KCTD10: variants seen among roughly 807,000 people sequenced by gnomAD.
KCTD10 encodes BTB/POZ domain-containing adapter for CUL3-mediated RhoA degradation protein 3.
KCTD10 carries 13 observed loss-of-function variants against 34.6 expected under a neutral mutation model. The ratio of observed to expected loss-of-function variants is 0.38; its 90% confidence interval spans 0.24 to 0.60. KCTD10 has a LOEUF of 0.60. KCTD10 is among the 20% of genes least tolerant of loss of function. The pLI is 0.66. For missense variants in KCTD10, 256 were observed against 420.3 expected (o/e 0.61, Z 3.42); for synonymous variants, 156 against 168.8 (o/e 0.92, Z 0.59).
intron 2 of KCTD10, among the ~76,000 whole-genome samples, chr12:109,467,437 T>C (rs563974302): frequency 6.6e-6 from 1 of 152,006 alleles, no homozygotes; most frequent in African/African-American, 2.4e-5. Context: ...CTGGGCAACA[T>C]AGTGAGGCCC....
rs528832746 is a variant in KCTD10 at position 109,455,713 on chromosome 12, C to T, written c.723+405G>A. Among the ~76,000 whole-genome samples the T allele has an allele frequency of 2.4e-3, 365 of 152,282 alleles. 3 individuals carry two copies. Among genetic ancestry groups the T allele is most frequent in the Non-Finnish European group, 4.5e-3 (303 of 68,016 alleles). On this transcript the variant is annotated intron_variant, in intron 6 of 6. Transcript: ENST00000228495. Reference sequence around the variant, plus strand: ...AGACAGAAAACCCAATTGCAGAGCCCCAAAAGGGCAGGCAAATTCAATTAA... The same window carrying T: ...AGACAGAAAACCCAATTGCAGAGCCTCAAAAGGGCAGGCAAATTCAATTAA...
chr12:109,477,051 C>T (rs61941589), intron 1 of KCTD10, among the ~76,000 whole-genome samples: 12,447 of 151,136 alleles, frequency 0.082, 1,223 homozygotes, highest in African/African-American at 0.23. Flanking sequence ...CGCCAGGGAG[C>T]CTCCCTACCA....
rs1172655868 is a variant in KCTD10 at position 109,458,374 on chromosome 12, A to C, written c.388-296T>G. 1.4e-5 allele frequency: 4 copies of C among 287,040 alleles called. No individual in the cohort carries two copies. The East Asian group carries it at 2.0e-4, about 14-fold the overall frequency. The allele number at this position is 287,040 out of a possible 1,614,324, so 17.8% of individuals were successfully genotyped here. A position where few individuals can be genotyped will look rare whatever the true frequency, so the allele number is the denominator to read the frequency against. On this transcript the variant is annotated intron_variant, in intron 3 of 6. Transcript: ENST00000228495. Reference sequence around the variant, plus strand: ...AAATAAACCCTTGACGTGGCAGCAGAAACGTGTTTTAATCAAAAGCTCCTA... The same window carrying C: ...AAATAAACCCTTGACGTGGCAGCAGCAACGTGTTTTAATCAAAAGCTCCTA...
In KCTD10 at chr12:109,451,889, C is replaced by G; in HGVS notation, c.724-76G>C. On this transcript the variant is annotated intron_variant, in intron 6 of 6. Transcript: ENST00000228495. The surrounding 1 kb of genome is among the most constrained non-coding windows in gnomAD (Gnocchi z 5.0). ...CCAACACCTGGACTTTAAGCAGGGCCGCCAGGCTAAATCAGGCCCCTGGGA... is the reference window on the plus strand; with the variant it reads ...CCAACACCTGGACTTTAAGCAGGGCGGCCAGGCTAAATCAGGCCCCTGGGA... 1 of 1,272,766 alleles carries G rather than the reference C, an allele frequency of 7.9e-7. No homozygotes were observed. Among genetic ancestry groups the G allele is most frequent in the Non-Finnish European group, 1.1e-6 (1 of 933,730 alleles). 78.8% of individuals were successfully genotyped at this position (1,272,766 alleles called of 1,614,324 possible). A position where few individuals can be genotyped will look rare whatever the true frequency, so the allele number is the denominator to read the frequency against.
chr12:109,471,738 G>C lies in KCTD10; in HGVS notation c.4-2010C>G, dbSNP rs1873899067. On this transcript the variant is annotated intron_variant, in intron 1 of 6. Coordinates refer to ENST00000228495, the MANE Select transcript of KCTD10 (RefSeq NM_031954.5). ...GGAGAAAAGGCTTACGGTCATGGGT[G>C]AGGGTGTGTGTTGAGGAAATTTGCC... Among the ~76,000 whole-genome samples the C allele has an allele frequency of 2.0e-5, 3 of 152,326 alleles. No homozygotes were observed. The South Asian group carries it at 6.2e-4, about 32-fold the overall frequency.
intron 2 of KCTD10, among the ~76,000 whole-genome samples, chr12:109,467,673 AATG>A (rs1873656947): frequency 6.6e-6 from 1 of 152,080 alleles, no homozygotes; most frequent in Non-Finnish European, 1.5e-5. Context: ...AGCTTTTCAT[AATG>A]ATATGAAGCA....
rs1378236774 is a variant in KCTD10 at position 109,449,805 on chromosome 12, GA to G, written c.*1789del. On this transcript the variant is annotated 3_prime_UTR_variant, in exon 7 of 7. Transcript: ENST00000228495. ...CTTTCTAAAAAAGCTCAACCCAAAA[GA>G]AAGACAGGGTTGGTGTTTAACACTT... 3 of 143,814 alleles carry G rather than the reference GA, an allele frequency of 2.1e-5. No individual in the cohort carries two copies. The highest frequency in any genetic ancestry group is 7.7e-5 in the African/African-American group (3 of 38,962). The allele number at this position is 143,814 out of a possible 1,614,324, so 8.9% of individuals were successfully genotyped here.
chr12:109,457,749 TC>T, intron 4 of KCTD10, 67 bp from the exon 5 acceptor site: 1 of 1,515,086 alleles, frequency 6.6e-7, no homozygotes, highest in Non-Finnish European at 9.2e-7. Context: ...ACTACTAGCT[TC>T]CCATAGGGCT....
intron 2 of KCTD10, among the ~76,000 whole-genome samples, chr12:109,468,041 C>G (rs1004822906): frequency 3.3e-5 from 5 of 152,308 alleles, no homozygotes; most frequent in Middle Eastern, 3.4e-3. Context: ...ATGCCTGCTT[C>G]CTCCAGCAGC....
rs1566058515 is a variant in KCTD10, at chr12:109,469,701, TCAC to T, written c.28_30del (p.Val10del). On this transcript the variant is annotated inframe_deletion, in exon 2 of 7. Transcript: ENST00000228495. Reference sequence around the variant, plus strand: ...GTAGCAGCCGCTGGCACCGCTGAGCTCACCACACTTTCTCCTGACATCTCTTCC... The same window carrying T: ...GTAGCAGCCGCTGGCACCGCTGAGCTCACACTTTCTCCTGACATCTCTTCC... 1 of 1,614,200 alleles carries T rather than the reference TCAC, an allele frequency of 6.2e-7. No individual in the cohort carries two copies. The highest frequency in any genetic ancestry group is 1.7e-5 in the Admixed American group (1 of 60,030).
chr12:109,474,224 CT>C (rs1206975259), intron 1 of KCTD10, among the ~76,000 whole-genome samples: 1 of 152,134 alleles, frequency 6.6e-6, no homozygotes, highest in Non-Finnish European at 1.5e-5. Flanking sequence ...CAGGATCCTG[CT>C]TTTTGACTTG....
intron 6 of KCTD10, among the ~76,000 whole-genome samples, chr12:109,455,268 G>C (rs1461451495): frequency 6.6e-6 from 1 of 152,126 alleles, no homozygotes; most frequent in African/African-American, 2.4e-5. Flanking sequence ...GTGAGTGCTG[G>C]GGAGGAGGAG....
At chr12:109,465,846 C>T (rs12831026) in intron 2 of KCTD10, among the ~76,000 whole-genome samples, 25,800 of 152,094 alleles carry the variant, frequency 0.17, 2,248 homozygotes, top group African/African-American at 0.18. Flanking sequence ...GGGGAATGTG[C>T]GATCACAAAA....
intron 6 of KCTD10, among the ~76,000 whole-genome samples, chr12:109,452,968 T>C (rs1301500306): frequency 6.6e-6 from 1 of 152,188 alleles, no homozygotes; most frequent in Non-Finnish European, 1.5e-5. Flanking sequence ...CAACTGTTTC[T>C]TGATTCACAG....
chr12:109,470,972 C>T (rs1873856317), intron 1 of KCTD10: 2 of 293,610 alleles, frequency 6.8e-6, no homozygotes, highest in Non-Finnish European at 1.0e-5. Context: ...AATCACCCAA[C>T]ACAAGCCCAC....
chr12:109,475,054 C>T (rs930855617), intron 1 of KCTD10, among the ~76,000 whole-genome samples: 2 of 152,134 alleles, frequency 1.3e-5, no homozygotes, highest in Non-Finnish European at 2.9e-5. Flanking sequence ...ATCTTCAAAA[C>T]CCTCAGAGAA....
chr12:109,470,994 G>T, intron 1 of KCTD10: 1 of 419,252 alleles, frequency 2.4e-6, no homozygotes, highest in Non-Finnish European at 3.2e-6. Flanking sequence ...GCCCTTCTCT[G>T]AGATGTCCCA....
chr12:109,465,155 C>T (rs1444768346), intron 2 of KCTD10, among the ~76,000 whole-genome samples: 1 of 151,420 alleles, frequency 6.6e-6, no homozygotes, highest in African/African-American at 2.4e-5. Flanking sequence ...TCACAGTGAA[C>T]ACCGCAAACC....
At chr12:109,464,770 T>G (rs1592843162) in intron 2 of KCTD10, 1 of 454,292 alleles carries the variant, frequency 2.2e-6, no homozygotes, top group Non-Finnish European at 4.4e-6. Context: ...CAAGGTACCA[T>G]ATCATACTCA....
Sources: gnomAD v4.1 joint callset for allele counts (sites outside exome capture counted in the v4.1 genomes callset) on GRCh38, gnomAD v4.1.1 for gene constraint, Gnocchi (gnomAD v3.1) non-coding constraint, MANE v1.5 for transcripts, NCBI Gene and HGNC (gene_info 2026-07-23, HGNC 2026-07-21) for gene names.